The following POU2F1 variants were observed in gnomAD, a reference collection of about 807,000 sequenced individuals.
POU2F1 encodes POU domain, class 2, transcription factor 1.
In POU2F1, 16 loss-of-function variants were observed where a neutral mutation model predicts 84.9. That is an observed-to-expected ratio of 0.19 (90% CI 0.13 to 0.29). The LOEUF is 0.29. Among genes scored for constraint, POU2F1 ranks in the 10% least tolerant of loss-of-function variants. The probability of loss-of-function intolerance (pLI) is 1.00; values close to 1 mark genes in which losing one functional copy is unlikely to be tolerated. For synonymous variants in POU2F1, 368 were observed against 368.3 expected, an observed-to-expected ratio of 1.00 and a Z score of 0.01; for missense variants, 738 against 942.6, an observed-to-expected ratio of 0.78 and a Z score of 2.84.
intron 5 of POU2F1, among the ~76,000 whole-genome samples, chr1:167,372,501 C>T (rs1286889053): frequency 6.6e-6 from 1 of 152,186 alleles, no homozygotes; most frequent in East Asian, 1.9e-4. Context: ...CCTAGCTCTG[C>T]AACTTACCGT....
intron 2 of POU2F1, among the ~76,000 whole-genome samples, chr1:167,337,680 C>T (rs1014113166): frequency 6.6e-6 from 1 of 151,036 alleles, no homozygotes; most frequent in Non-Finnish European, 1.5e-5. Flanking sequence ...TCTACCCTCA[C>T]CCCACCCCCT....
intron 1 of POU2F1, among the ~76,000 whole-genome samples, chr1:167,294,482 A>G (rs572502373): frequency 6.6e-6 from 1 of 152,244 alleles, no homozygotes; most frequent in Non-Finnish European, 1.5e-5. Context: ...TACACAGACA[A>G]CCCACAAAGT....
chr1:167,408,224 C>T (rs1049898758), intron 13 of POU2F1, among the ~76,000 whole-genome samples: 1 of 151,914 alleles, frequency 6.6e-6, no homozygotes, highest in African/African-American at 2.4e-5. Context: ...TCAAAAAGAC[C>T]CAAGATGATA....
chr1:167,380,458 T>C (rs928709180), intron 7 of POU2F1: 1 of 152,234 alleles, frequency 6.6e-6, no homozygotes, highest in African/African-American at 2.4e-5. Context: ...ATAGTTTCCC[T>C]AGAATCACCT....
At chr1:167,369,632 A>G (rs184649441) in intron 3 of POU2F1, among the ~76,000 whole-genome samples, 13 of 152,278 alleles carry the variant, frequency 8.5e-5, no homozygotes, top group Admixed American at 7.2e-4. Context: ...TAGATTTTCT[A>G]TTTCAGCTAA....
chr1:167,287,912 T>TGATC (rs1286755440), intron 1 of POU2F1, among the ~76,000 whole-genome samples: 3 of 152,150 alleles, frequency 2.0e-5, no homozygotes, highest in African/African-American at 7.2e-5. Context: ...AATAGATGAT[T>TGATC]GATCATAAAA....
At chr1:167,226,642 A>G (rs1012197089) in intron 1 of POU2F1, among the ~76,000 whole-genome samples, 1 of 152,216 alleles carries the variant, frequency 6.6e-6, no homozygotes, top group African/African-American at 2.4e-5. Flanking sequence ...AATTTGGAAT[A>G]TGAGAATTGT....
At chr1:167,384,553 A>C (rs1055964003) in intron 8 of POU2F1, among the ~76,000 whole-genome samples, 3 of 152,082 alleles carry the variant, frequency 2.0e-5, no homozygotes, top group African/African-American at 7.2e-5. Flanking sequence ...GCTGATCCTG[A>C]ATCTCCTTCC....
rs1030217866 is a variant in POU2F1 at position 167,417,793 on chromosome 1, G to T, written c.*1983G>T. On this transcript the variant is annotated 3_prime_UTR_variant, in exon 16 of 16. Transcript: ENST00000367866. ...TGTCTCTTTCCCATTGTCCAGTAAG[G>T]CAGTAAATACAGACACAATGTGTAC... 2 of 152,186 alleles carry T rather than the reference G, an allele frequency of 1.3e-5. No homozygotes were observed. The highest frequency in any genetic ancestry group is 4.8e-5 in the African/African-American group (2 of 41,428). The allele number at this position is 152,186 out of a possible 1,614,324, so 9.4% of individuals were successfully genotyped here. A position where few individuals can be genotyped will look rare whatever the true frequency, so the allele number is the denominator to read the frequency against.
intron 8 of POU2F1, among the ~76,000 whole-genome samples, chr1:167,388,144 A>G (rs1648123830): frequency 6.6e-6 from 1 of 152,254 alleles, no homozygotes; most frequent in Admixed American, 6.5e-5. Flanking sequence ...AAGGATGAGA[A>G]TAAATATCAT....
chr1:167,224,814 G>A (rs1437594933), intron 1 of POU2F1, among the ~76,000 whole-genome samples: 2 of 146,090 alleles, frequency 1.4e-5, no homozygotes, highest in South Asian at 4.3e-4. Context: ...GAAATCCATT[G>A]TCACTGTCTT....
chr1:167,305,094 C>T (rs1654972248), intron 1 of POU2F1, among the ~76,000 whole-genome samples: 1 of 152,114 alleles, frequency 6.6e-6, no homozygotes, highest in Non-Finnish European at 1.5e-5. Flanking sequence ...TAAAACCTGT[C>T]TCATTCCCTG....
intron 1 of POU2F1, among the ~76,000 whole-genome samples, chr1:167,294,282 G>T (rs1236193572): frequency 8.6e-5 from 13 of 151,840 alleles, no homozygotes; most frequent in Non-Finnish European, 1.5e-5. Flanking sequence ...CCGGGAGGCG[G>T]ATCTTGCAGT....
intron 1 of POU2F1, among the ~76,000 whole-genome samples, chr1:167,275,751 A>G (rs1042673583): frequency 2.0e-5 from 3 of 152,224 alleles, no homozygotes; most frequent in Non-Finnish European, 2.9e-5. Context: ...TGGGGTAAGA[A>G]TAATGATTGG....
intron 2 of POU2F1, among the ~76,000 whole-genome samples, chr1:167,360,653 T>C (rs1208113351): frequency 6.6e-6 from 1 of 152,190 alleles, no homozygotes; most frequent in Non-Finnish European, 1.5e-5. Context: ...CTTTTTTGTT[T>C]AGGATTGCCT....
intron 7 of POU2F1, 42 bp from the exon 8 acceptor site, chr1:167,383,815 G>T (rs1379962020): frequency 2.6e-6 from 4 of 1,532,510 alleles, no homozygotes; most frequent in East Asian, 2.3e-5. Flanking sequence ...TGTGTTCGAA[G>T]AAATCTTTAA....
At chr1:167,337,982 T>C in intron 2 of POU2F1, 2 of 382,450 alleles carry the variant, frequency 5.2e-6, no homozygotes, top group South Asian at 2.0e-5. Flanking sequence ...TGGACCCTTT[T>C]ATGATATGGG....
intron 1 of POU2F1, among the ~76,000 whole-genome samples, chr1:167,290,651 G>A (rs1653860883): frequency 6.6e-6 from 1 of 152,224 alleles, no homozygotes; most frequent in South Asian, 2.1e-4. Flanking sequence ...TGTTTGTTGA[G>A]TGAGTGAATG....
chr1:167,310,679 G>A (rs919325295), intron 1 of POU2F1, among the ~76,000 whole-genome samples: 7 of 152,136 alleles, frequency 4.6e-5, no homozygotes, highest in East Asian at 1.9e-4. Flanking sequence ...TGACAGAGAT[G>A]TTAGGATTAT....
Sources: allele counts gnomAD v4.1 joint callset (sites outside exome capture counted in the v4.1 genomes callset), GRCh38; gene constraint gnomAD v4.1.1; transcripts MANE v1.5; gene names NCBI Gene and HGNC (gene_info 2026-07-23, HGNC 2026-07-21).